The following MIPOL1 variants were observed in gnomAD, a reference collection of about 807,000 sequenced individuals.
The protein encoded by MIPOL1 is mirror-image polydactyly 1.
MIPOL1 carries 57 observed loss-of-function variants against 60.9 expected under a neutral mutation model. The ratio of observed to expected loss-of-function variants is 0.94; its 90% confidence interval spans 0.76 to 1.17. The LOEUF is 1.17. Among genes scored for constraint, MIPOL1 ranks in the 50% most tolerant of loss-of-function variants. The pLI is 0.00. For synonymous variants in MIPOL1, 179 were observed against 168.8 expected, an observed-to-expected ratio of 1.06 and a Z score of -0.47; for missense variants, 551 against 511.6, an observed-to-expected ratio of 1.08 and a Z score of -0.74.
At chr14:37,474,800 GT>G (rs1031357445) in intron 11 of MIPOL1, among the ~76,000 whole-genome samples, 2 of 152,028 alleles carry the variant, frequency 1.3e-5, no homozygotes, top group African/African-American at 4.8e-5. Flanking sequence ...GTATTTTTAG[GT>G]TTTTGGATTT....
At chr14:37,299,644 C>G (rs2086188841) in intron 7 of MIPOL1, among the ~76,000 whole-genome samples, 1 of 151,946 alleles carries the variant, frequency 6.6e-6, no homozygotes, top group Non-Finnish European at 1.5e-5. Context: ...ATTTCTAGAA[C>G]AGTTGTGAAG....
chr14:37,490,155 A>G (rs2095026364), intron 11 of MIPOL1, among the ~76,000 whole-genome samples: 1 of 152,072 alleles, frequency 6.6e-6, no homozygotes, highest in African/African-American at 2.4e-5. Context: ...CTGCCCAGAG[A>G]GGAAGACTCT....
At chr14:37,399,309 A>C (rs1392621607) in intron 10 of MIPOL1, among the ~76,000 whole-genome samples, 1 of 152,210 alleles carries the variant, frequency 6.6e-6, no homozygotes, top group Non-Finnish European at 1.5e-5. Context: ...CTGATTAAAA[A>C]TACTTGCCCT....
At chr14:37,451,180 G>T (rs763625395) in intron 11 of MIPOL1, among the ~76,000 whole-genome samples, 2 of 151,956 alleles carry the variant, frequency 1.3e-5, no homozygotes, top group Non-Finnish European at 2.9e-5. Context: ...TCTTCCCAAG[G>T]GCAATATTAG....
At chr14:37,208,215 G>A (rs1025460014) in intron 1 of MIPOL1, among the ~76,000 whole-genome samples, 2 of 152,116 alleles carry the variant, frequency 1.3e-5, no homozygotes, top group African/African-American at 4.8e-5. Context: ...AATAGTACTT[G>A]GAGAATGACT....
chr14:37,373,521 T>A (rs558730462), intron 10 of MIPOL1, among the ~76,000 whole-genome samples: 2 of 151,924 alleles, frequency 1.3e-5, no homozygotes, highest in Admixed American at 1.3e-4. Context: ...CCACATTAGG[T>A]ATTTCTCCTC....
intron 10 of MIPOL1, among the ~76,000 whole-genome samples, chr14:37,390,614 A>G (rs2093210810): frequency 6.6e-6 from 1 of 152,170 alleles, no homozygotes; most frequent in Non-Finnish European, 1.5e-5. Flanking sequence ...TCTATAAAAC[A>G]AATGGAAATC....
chr14:37,478,699 T>C (rs1020369449), intron 11 of MIPOL1, among the ~76,000 whole-genome samples: 7 of 151,964 alleles, frequency 4.6e-5, no homozygotes, highest in African/African-American at 1.4e-4. Flanking sequence ...ACACATAGAC[T>C]GAAAGTGAAA....
At chr14:37,393,625 C>CT (rs1346636659) in intron 10 of MIPOL1, among the ~76,000 whole-genome samples, 1 of 151,606 alleles carries the variant, frequency 6.6e-6, no homozygotes, top group African/African-American at 2.4e-5. Flanking sequence ...TTAAAGAGGA[C>CT]TTTTTTTGTC....
At chr14:37,267,204 G>A in intron 4 of MIPOL1, 35 bp downstream of exon 4, 1 of 1,538,586 alleles carries the variant, frequency 6.5e-7, no homozygotes, top group Non-Finnish European at 9.0e-7. Context: ...AGAAGGAATT[G>A]GGGCCAGGCG....
intron 11 of MIPOL1, among the ~76,000 whole-genome samples, chr14:37,490,864 TG>T (rs1383476528): frequency 1.3e-5 from 2 of 152,180 alleles, no homozygotes; most frequent in African/African-American, 4.8e-5. Flanking sequence ...TTGATCTCAC[TG>T]GGAGCTGCAG....
At chr14:37,327,516 C>T (rs535777286) in intron 9 of MIPOL1, among the ~76,000 whole-genome samples, 3 of 152,236 alleles carry the variant, frequency 2.0e-5, no homozygotes, top group East Asian at 1.9e-4. Flanking sequence ...TCGAATTGGG[C>T]TTAAGTGACC....
At chr14:37,396,346 G>C (rs533852070) in intron 10 of MIPOL1, among the ~76,000 whole-genome samples, 1 of 152,272 alleles carries the variant, frequency 6.6e-6, no homozygotes, top group Non-Finnish European at 1.5e-5. Context: ...GAAATCTGCT[G>C]TTAATCTGAT....
intron 7 of MIPOL1, among the ~76,000 whole-genome samples, chr14:37,286,735 G>A (rs990690350): frequency 9.2e-5 from 14 of 151,444 alleles, no homozygotes; most frequent in Non-Finnish European, 2.9e-5. Flanking sequence ...TTTGAAGATT[G>A]ATAGGCTCAT....
intron 12 of MIPOL1, among the ~76,000 whole-genome samples, chr14:37,521,521 T>C (rs2095412854): frequency 6.6e-6 from 1 of 152,092 alleles, no homozygotes; most frequent in Admixed American, 6.6e-5. Flanking sequence ...TATTTCAACA[T>C]CCATATACTT....
intron 1 of MIPOL1, among the ~76,000 whole-genome samples, chr14:37,218,924 CAAA>C (rs150658949): frequency 1.4e-3 from 153 of 106,724 alleles, no homozygotes; most frequent in Middle Eastern, 4.7e-3. Context: ...GACCCTATTT[CAAA>C]AAAAAAAAAA....
intron 9 of MIPOL1, among the ~76,000 whole-genome samples, chr14:37,346,501 C>A (rs955105404): frequency 6.6e-6 from 1 of 152,058 alleles, no homozygotes; most frequent in African/African-American, 2.4e-5. Flanking sequence ...TTATATTATG[C>A]TTATCTCTTT....
At chr14:37,387,977 T>C (rs1356476693) in intron 10 of MIPOL1, among the ~76,000 whole-genome samples, 1 of 151,882 alleles carries the variant, frequency 6.6e-6, no homozygotes, top group Non-Finnish European at 1.5e-5. Context: ...AGCAAAGATG[T>C]GACTTAAAAC....
chr14:37,470,359 C>T lies in MIPOL1; in HGVS notation c.1032-29549C>T, dbSNP rs112757444. On this transcript the variant is annotated intron_variant, in intron 11 of 12. Coordinates refer to ENST00000684589, the MANE Select transcript of MIPOL1 (RefSeq NM_001388067.1). ...TCCCCGCCCAAATCTCATGTTGAATCGTGATCCCCAGTGTTACGGGAGGGG... is the reference window on the plus strand; with the variant it reads ...TCCCCGCCCAAATCTCATGTTGAATTGTGATCCCCAGTGTTACGGGAGGGG... 6.1e-4 allele frequency among the ~76,000 whole-genome samples: 93 copies of T among 152,142 alleles called. No homozygotes were observed. The Middle Eastern group carries it at 0.031, about 50-fold the overall frequency.
Sources: gnomAD v4.1 joint callset for allele counts (sites outside exome capture counted in the v4.1 genomes callset) on GRCh38, gnomAD v4.1.1 for gene constraint, MANE v1.5 for transcripts, NCBI Gene and HGNC (gene_info 2026-07-23, HGNC 2026-07-21) for gene names.